The following SEMA6D variants were observed in gnomAD, a reference collection of about 807,000 sequenced individuals.
SEMA6D encodes semaphorin-6D.
A neutral mutation model predicts 106.6 loss-of-function variants in SEMA6D; 35 were observed. That is an observed-to-expected ratio of 0.33 (90% CI 0.25 to 0.44). SEMA6D has a LOEUF of 0.44. SEMA6D is among the 20% of genes least tolerant of loss of function. The pLI, the probability that SEMA6D is intolerant of heterozygous loss-of-function variation, is 1.00. For synonymous variants in SEMA6D, 499 were observed against 487.7 expected (o/e 1.02, Z -0.31); for missense variants, 1,185 against 1,345.9 (o/e 0.88, Z 1.87).
chr15:47,637,469 T>C (rs1027970168), intron 4 of SEMA6D, among the ~76,000 whole-genome samples: 4 of 152,144 alleles, frequency 2.6e-5, no homozygotes, highest in African/African-American at 9.7e-5. Context: ...GATACACTTT[T>C]TTTCTAGCGT....
chr15:47,760,570 G>A (rs1029128151), intron 3 of SEMA6D, among the ~76,000 whole-genome samples, 155 bp downstream of exon 3: 2 of 152,054 alleles, frequency 1.3e-5, no homozygotes, highest in Non-Finnish European at 2.9e-5. Context: ...GTTGTGTACC[G>A]GGAACAAAAT....
intron 3 of SEMA6D, among the ~76,000 whole-genome samples, chr15:47,593,780 G>A (rs552405771): frequency 2.0e-5 from 3 of 152,272 alleles, no homozygotes; most frequent in African/African-American, 4.8e-5. Flanking sequence ...TAATCATGGC[G>A]GAAGGGGGAG....
At chr15:47,332,269 A>T (rs1396315304) in intron 1 of SEMA6D, among the ~76,000 whole-genome samples, 1 of 152,166 alleles carries the variant, frequency 6.6e-6, no homozygotes, top group Non-Finnish European at 1.5e-5. Context: ...TATTTATGTG[A>T]CCTTGAGTGG....
rs576839076 is a variant in SEMA6D at position 47,602,738 on chromosome 15, TG to T, written c.-55+1843del. ...TTATTGCTTCAGAGACCTTTCATCT[TG>T]TTCCAGTTGTAAAGATGCAAAACAC... is the stretch of plus-strand genomic sequence containing the variant. On this transcript the variant is annotated intron_variant, in intron 4 of 19. Transcript: ENST00000558014. Among the ~76,000 whole-genome samples the T allele has an allele frequency of 8.1e-4, 123 of 152,296 alleles. 1 individual carries two copies. Among genetic ancestry groups the T allele is most frequent in the African/African-American group, 2.6e-3 (109 of 41,556 alleles).
intron 1 of SEMA6D, among the ~76,000 whole-genome samples, chr15:47,746,407 G>A (rs1049372323): frequency 3.9e-5 from 6 of 152,194 alleles, no homozygotes; most frequent in African/African-American, 2.4e-5. Flanking sequence ...TGGATCATAA[G>A]TCCCTCAATT....
intron 1 of SEMA6D, among the ~76,000 whole-genome samples, chr15:47,202,232 C>T (rs971650150): frequency 3.9e-5 from 6 of 151,922 alleles, no homozygotes; most frequent in Admixed American, 1.3e-4. Flanking sequence ...TGTTACACTG[C>T]GTCTCTAAAA....
intron 1 of SEMA6D, among the ~76,000 whole-genome samples, chr15:47,394,616 C>A (rs1297779803): frequency 1.3e-5 from 2 of 152,176 alleles, no homozygotes; most frequent in Non-Finnish European, 2.9e-5. Context: ...CTAAATCCCT[C>A]CAGAGCATTT....
intron 1 of SEMA6D, among the ~76,000 whole-genome samples, chr15:47,360,277 T>C (rs1291531764): frequency 3.3e-5 from 5 of 152,220 alleles, no homozygotes; most frequent in Admixed American, 2.0e-4. Flanking sequence ...TGTATCATTC[T>C]TCAGTTCCCC....
At chr15:47,513,906 C>T (rs1166482341) in intron 3 of SEMA6D, among the ~76,000 whole-genome samples, 2 of 152,166 alleles carry the variant, frequency 1.3e-5, no homozygotes, top group Non-Finnish European at 2.9e-5. Flanking sequence ...TGGATGTTTG[C>T]GCTGGACCTG....
chr15:47,768,125 G>A (rs2082440851), intron 17 of SEMA6D, among the ~76,000 whole-genome samples: 1 of 152,060 alleles, frequency 6.6e-6, no homozygotes, highest in African/African-American at 2.4e-5. Context: ...TATTTTCATA[G>A]ACTTAACCAG....
intron 1 of SEMA6D, among the ~76,000 whole-genome samples, chr15:47,270,068 C>T (rs1337893537): frequency 6.7e-6 from 1 of 149,988 alleles, no homozygotes; most frequent in African/African-American, 2.4e-5. Context: ...GTTCAAACAT[C>T]TTTCATTGTA....
chr15:47,249,200 C>T (rs1192879504), intron 1 of SEMA6D, among the ~76,000 whole-genome samples: 1 of 152,096 alleles, frequency 6.6e-6, no homozygotes, highest in African/African-American at 2.4e-5. Flanking sequence ...TGCACTCCAG[C>T]CTGGGCGAGG....
At chr15:47,273,085 T>C (rs2142306202) in intron 1 of SEMA6D, among the ~76,000 whole-genome samples, 1 of 152,302 alleles carries the variant, frequency 6.6e-6, no homozygotes, top group South Asian at 2.1e-4. Context: ...GTTTATTCTA[T>C]TTGTGCTATT....
chr15:47,671,785 C>T (rs1318698945), intron 4 of SEMA6D, among the ~76,000 whole-genome samples: 1 of 151,696 alleles, frequency 6.6e-6, no homozygotes, highest in Non-Finnish European at 1.5e-5. Flanking sequence ...AAAGAAGCAG[C>T]GATAAGGCTT....
At chr15:47,430,847 G>A (rs1216908388) in intron 2 of SEMA6D, among the ~76,000 whole-genome samples, 3 of 152,032 alleles carry the variant, frequency 2.0e-5, no homozygotes, top group African/African-American at 7.2e-5. Flanking sequence ...TCTTAGTTGA[G>A]GTGGGATGGA....
At chr15:47,768,857 T>TGGA in intron 18 of SEMA6D, 109 bp downstream of exon 18, 2 of 1,017,562 alleles carry the variant, frequency 2.0e-6, no homozygotes, top group Non-Finnish European at 2.8e-6. Flanking sequence ...GCTTCTGCGG[T>TGGA]TGTACCTCCA....
intron 4 of SEMA6D, among the ~76,000 whole-genome samples, chr15:47,671,485 A>G (rs2078136390): frequency 6.6e-6 from 1 of 152,170 alleles, no homozygotes; most frequent in Non-Finnish European, 1.5e-5. Flanking sequence ...CAAACATCAG[A>G]CAAAGGAAAA....
At position 47,422,180 on chromosome 15, in the gene SEMA6D, G is replaced by GCCTGCCTTCCTTCCTTCTT. The variant is rs1455030787; in HGVS notation, c.-159+9711_-159+9712insGCCTTCCTTCCTTCTTCCT. 8.0e-5 allele frequency among the ~76,000 whole-genome samples: 9 copies of GCCTGCCTTCCTTCCTTCTT among 112,814 alleles called. No homozygotes were observed. The Admixed American group carries it at 8.6e-4, about 11-fold the overall frequency. The allele number at this position is 112,814 out of a possible 152,430, so 74.0% of individuals were successfully genotyped here. A position where few individuals can be genotyped will look rare whatever the true frequency, so the allele number is the denominator to read the frequency against. The stretch of plus-strand genomic sequence containing the variant: ...TTATTTTTTGCCCGCCCGCCTGCCT[G>GCCTGCCTTCCTTCCTTCTT]CCTTCCTTCCTTCCTTCCTTCCTTC... On this transcript the variant is annotated intron_variant, in intron 2 of 19. Coordinates refer to the SEMA6D transcript ENST00000558014.
intron 1 of SEMA6D, among the ~76,000 whole-genome samples, chr15:47,353,251 C>A (rs997698467): frequency 1.3e-5 from 2 of 152,022 alleles, no homozygotes; most frequent in African/African-American, 4.8e-5. Context: ...GTAATGGAGG[C>A]CTTAGATTTC....
Sources: allele counts gnomAD v4.1 joint callset (sites outside exome capture counted in the v4.1 genomes callset), GRCh38; gene constraint gnomAD v4.1.1; transcripts MANE v1.5; gene names NCBI Gene and HGNC (gene_info 2026-07-23, HGNC 2026-07-21).